Variants in ZNF804A observed in about 807,000 individuals in gnomAD.
ZNF804A encodes the protein zinc finger protein 804A.
A neutral mutation model predicts 16.5 loss-of-function variants in ZNF804A; 2 were observed. That is an observed-to-expected ratio of 0.12 (90% confidence interval 0.05 to 0.38). The LOEUF (loss-of-function observed/expected upper bound fraction) is 0.38. ZNF804A is among the 10% of genes least tolerant of loss of function. The pLI is 0.99. For missense variants in ZNF804A, 1,473 were observed against 1,390.7 expected (o/e 1.06, Z -0.94); for synonymous variants, 534 against 489.6 (o/e 1.09, Z -1.20).
intron 2 of ZNF804A, among the ~76,000 whole-genome samples, chr2:184,915,233 A>C (rs952934029): frequency 6.6e-6 from 1 of 152,092 alleles, no homozygotes; most frequent in Non-Finnish European, 1.5e-5. Flanking sequence ...CTATTCCTAT[A>C]GATGCAGATA....
chr2:184,866,750 A>C (rs1380008650), intron 2 of ZNF804A, among the ~76,000 whole-genome samples: 1 of 151,434 alleles, frequency 6.6e-6, no homozygotes, highest in Non-Finnish European at 1.5e-5. Flanking sequence ...AATACCATTC[A>C]ATTGCCTTTT....
intron 2 of ZNF804A, among the ~76,000 whole-genome samples, chr2:184,931,436 C>T (rs1343366850): frequency 2.6e-5 from 4 of 152,240 alleles, no homozygotes; most frequent in Non-Finnish European, 5.9e-5. Context: ...CAGCCACAGG[C>T]TCAACACCAT....
chr2:184,828,276 AC>A (rs1331654149), intron 1 of ZNF804A, among the ~76,000 whole-genome samples: 1 of 151,872 alleles, frequency 6.6e-6, no homozygotes, highest in Admixed American at 6.6e-5. Flanking sequence ...CATCCAGTAG[AC>A]TCAGAGTCCA....
intron 1 of ZNF804A, among the ~76,000 whole-genome samples, chr2:184,729,146 TATACTAAA>T (rs1228018515): frequency 6.6e-6 from 1 of 151,872 alleles, no homozygotes; most frequent in Non-Finnish European, 1.5e-5. Flanking sequence ...ATATATTGTA[TATACTAAA>T]ATTACCAAAA....
intron 1 of ZNF804A, among the ~76,000 whole-genome samples, chr2:184,639,521 G>T (rs150955480): frequency 0.011 from 1,681 of 152,106 alleles, 30 homozygotes; most frequent in African/African-American, 0.039. Context: ...TGTTCTTCAA[G>T]ATTGAGAATA....
At chr2:184,711,735 T>G (rs959141641) in intron 1 of ZNF804A, among the ~76,000 whole-genome samples, 3 of 151,768 alleles carry the variant, frequency 2.0e-5, no homozygotes, top group African/African-American at 2.4e-5. Flanking sequence ...TTGAAGAGAC[T>G]GTCCTTTCTC....
At chr2:184,833,185 AT>A (rs1422776081) in intron 1 of ZNF804A, among the ~76,000 whole-genome samples, 4 of 152,106 alleles carry the variant, frequency 2.6e-5, no homozygotes, top group African/African-American at 9.6e-5. Flanking sequence ...TAAATTTCCC[AT>A]GCTATATTGT....
chr2:184,806,422 A>C (rs1423263489), intron 1 of ZNF804A, among the ~76,000 whole-genome samples: 1 of 151,908 alleles, frequency 6.6e-6, no homozygotes, highest in East Asian at 1.9e-4. Flanking sequence ...CATTTCATCA[A>C]CATTTAAAAA....
At chr2:184,599,124 A>C (rs1410595275) in intron 1 of ZNF804A, 54 bp downstream of exon 1, 5 of 1,373,392 alleles carry the variant, frequency 3.6e-6, no homozygotes, top group Non-Finnish European at 5.2e-6. Context: ...GGGCATTTGG[A>C]AGATTGAGTT....
At chr2:184,926,328 C>T (rs1454180239) in intron 2 of ZNF804A, among the ~76,000 whole-genome samples, 1 of 151,624 alleles carries the variant, frequency 6.6e-6, no homozygotes, top group East Asian at 1.9e-4. Flanking sequence ...TCATACCACT[C>T]TCTCCTAGCC....
intron 1 of ZNF804A, among the ~76,000 whole-genome samples, chr2:184,741,098 C>T (rs1693703175): frequency 6.6e-6 from 1 of 152,146 alleles, no homozygotes; most frequent in South Asian, 2.1e-4. Context: ...AAGACCACCG[C>T]TTGTGACACA....
At chr2:184,873,636 G>T (rs999650489) in intron 2 of ZNF804A, among the ~76,000 whole-genome samples, 1 of 152,064 alleles carries the variant, frequency 6.6e-6, no homozygotes, top group Non-Finnish European at 1.5e-5. Flanking sequence ...AAACCAAGAA[G>T]AATTTAGTAT....
chr2:184,648,554 T>C (rs550176036), intron 1 of ZNF804A, among the ~76,000 whole-genome samples: 1 of 152,204 alleles, frequency 6.6e-6, no homozygotes, highest in East Asian at 1.9e-4. Context: ...ACACCTCACA[T>C]GTGTTGAAAC....
intron 1 of ZNF804A, among the ~76,000 whole-genome samples, chr2:184,728,680 TC>T (rs1693463004): frequency 6.6e-6 from 1 of 151,962 alleles, no homozygotes; most frequent in South Asian, 2.1e-4. Context: ...GGAAGAAGTT[TC>T]TTTCTATCCT....
At position 184,933,589 on chromosome 2, in the gene ZNF804A, C is replaced by T; in HGVS notation, c.256-14C>T. On this transcript the variant is annotated splice_polypyrimidine_tract_variant and intron_variant, in intron 2 of 3. Coordinates refer to ENST00000302277, the MANE Select transcript of ZNF804A (RefSeq NM_194250.2). The stretch of plus-strand genomic sequence containing the variant: ...CAAAATACAATTAATCATTTTCCAA[C>T]TTTTTTTTAACAGAGGCTCAAGGAA... 1.3e-6 allele frequency: 2 copies of T among 1,569,528 alleles called. No individual in the cohort carries two copies. The highest frequency in any genetic ancestry group is 1.2e-5 in the South Asian group (1 of 83,724).
At chr2:184,665,400 C>T (rs1478186539) in intron 1 of ZNF804A, among the ~76,000 whole-genome samples, 2 of 152,270 alleles carry the variant, frequency 1.3e-5, no homozygotes, top group East Asian at 3.9e-4. Context: ...CAGTTCTTCA[C>T]CTAAGAAGCT....
intron 1 of ZNF804A, among the ~76,000 whole-genome samples, chr2:184,731,537 G>C (rs1693519784): frequency 6.8e-6 from 1 of 146,138 alleles, no homozygotes; most frequent in African/African-American, 2.5e-5. Flanking sequence ...ATCTTCCTCA[G>C]TGAGATGTCT....
intron 1 of ZNF804A, among the ~76,000 whole-genome samples, chr2:184,666,901 T>C (rs1490001273): frequency 6.6e-6 from 1 of 152,010 alleles, no homozygotes; most frequent in Non-Finnish European, 1.5e-5. Flanking sequence ...AAACTGGCCA[T>C]TTAGAAAATA....
intron 1 of ZNF804A, among the ~76,000 whole-genome samples, chr2:184,696,849 A>G (rs1385690250): frequency 2.0e-5 from 3 of 152,070 alleles, no homozygotes; most frequent in Non-Finnish European, 4.4e-5. Context: ...TGATTAAGCT[A>G]TCTGTTCTTC....
Sources: gnomAD v4.1 joint callset for allele counts (sites outside exome capture counted in the v4.1 genomes callset) on GRCh38, gnomAD v4.1.1 for gene constraint, MANE v1.5 for transcripts, NCBI Gene and HGNC (gene_info 2026-07-23, HGNC 2026-07-21) for gene names.